The following SLC13A2 variants were observed in gnomAD, a reference collection of about 807,000 sequenced individuals.
SLC13A2 encodes solute carrier family 13 member 2, also known as Na(+)-coupled citrate transporter.
SLC13A2 carries 40 observed loss-of-function variants against 58.5 expected under a neutral mutation model. The observed-to-expected ratio is 0.68, with a 90% CI of 0.53 to 0.89. SLC13A2 has a LOEUF of 0.89. Ranked by LOEUF, SLC13A2 falls within the 40% of genes least tolerant of loss-of-function variation. SLC13A2 has a pLI of 0.00. For missense variants in SLC13A2, 694 were observed against 772.6 expected, an observed-to-expected ratio of 0.90 and a Z score of 1.21; for synonymous variants, 341 against 331.6, an observed-to-expected ratio of 1.03 and a Z score of -0.31.
chr17:28,493,777 C>T lies in SLC13A2; in HGVS notation c.1085C>T (p.Ala362Val). 6.2e-7 allele frequency: 1 copy of T among 1,614,110 alleles called. No homozygotes were observed. The change falls in exon 7 of 12, where the codon GCC becomes GTC. Residue 362 changes from alanine to valine, a missense_variant. Coordinates refer to ENST00000314669, the MANE Select transcript of SLC13A2 (RefSeq NM_003984.4). ...TGGGGCAATTTGGCTTTTCCCAATGCCAAGGGGGAGAGGTGAGAGTTGCAG... is the reference window on the plus strand; with the variant it reads ...TGGGGCAATTTGGCTTTTCCCAATGTCAAGGGGGAGAGGTGAGAGTTGCAG... Reference protein sequence around the residue: ...LGWGNLAFPNAKGESMVSDGT... With the variant: ...LGWGNLAFPNVKGESMVSDGT...
In SLC13A2 at chr17:28,493,822, T is replaced by C. The variant is rs1555604064; in HGVS notation, c.1097+33T>C. The C allele has an allele frequency of 6.2e-6, 10 of 1,608,290 alleles. No individual in the cohort carries two copies. The South Asian group carries it at 1.1e-4, about 18-fold the overall frequency. ...TTGCAGGGGTTGGGAGGAGGACACA[T>C]CTGGGGCTCACATGCTCGGGAAGGA... On this transcript the variant is annotated intron_variant, in intron 7 of 11. Coordinates refer to ENST00000314669, the MANE Select transcript of SLC13A2 (RefSeq NM_003984.4).
At chr17:28,491,084 G>A (rs567811963) in intron 4 of SLC13A2, among the ~76,000 whole-genome samples, 178 bp downstream of exon 4, 60 of 152,286 alleles carry the variant, frequency 3.9e-4, no homozygotes, top group South Asian at 2.1e-3. Context: ...ACCCTGTTTT[G>A]GGAATCCCCT....
intron 1 of SLC13A2, among the ~76,000 whole-genome samples, chr17:28,486,617 G>C (rs1470576543): frequency 6.6e-6 from 1 of 151,932 alleles, no homozygotes; most frequent in Non-Finnish European, 1.5e-5. Flanking sequence ...ATGTTTAAAG[G>C]GTTTGAGACT....
Position 28,477,186 on chromosome 17 carries a change from G to GTTTTTTTTTTTTTTTTTTTTT in SLC13A2, c.102+3378_102+3379insTTTTTTTTTTTTTTTTTTTTT, listed in dbSNP as rs1251199584. On this transcript the variant is annotated intron_variant, in intron 1 of 11. Transcript: ENST00000314669. ...AAAAAAACAAATAAAAAACACCCAA[G>GTTTTTTTTTTTTTTTTTTTTT]TTTTTTGTTTTTTTTTTTTTTTTTT... 2.5e-5 allele frequency among the ~76,000 whole-genome samples: 3 copies of GTTTTTTTTTTTTTTTTTTTTT among 119,430 alleles called. 1 individual carries two copies. Among genetic ancestry groups the GTTTTTTTTTTTTTTTTTTTTT allele is most frequent in the Non-Finnish European group, 3.5e-5 (2 of 57,894 alleles). The allele number at this position is 119,430 out of a possible 152,430, so 78.4% of individuals were successfully genotyped here.
intron 1 of SLC13A2, among the ~76,000 whole-genome samples, chr17:28,487,968 C>G (rs2068917140): frequency 6.6e-6 from 1 of 152,148 alleles, no homozygotes; most frequent in Non-Finnish European, 1.5e-5. Context: ...CAATCCCAAT[C>G]CTTTATCTGA....
Position 28,497,316 on chromosome 17 carries a change from A to C in SLC13A2, c.*47A>C. 1.3e-6 allele frequency: 2 copies of C among 1,558,982 alleles called. No homozygotes were observed. The highest frequency in any genetic ancestry group is 2.3e-5 in the East Asian group (1 of 43,654). On this transcript the variant is annotated 3_prime_UTR_variant, in exon 12 of 12. Transcript: ENST00000314669. ...GCCCAGGAAGACCCACCCCATTCCC[A>C]CTCCTCTGAGCCCGGAGGGGACACC...
At chr17:28,486,602 G>A (rs2068886681) in intron 1 of SLC13A2, among the ~76,000 whole-genome samples, 1 of 152,102 alleles carries the variant, frequency 6.6e-6, no homozygotes. Context: ...ACCCTCAAAT[G>A]CAAGATGTTT....
intron 1 of SLC13A2, among the ~76,000 whole-genome samples, chr17:28,477,198 T>G (rs797024265): frequency 1.4e-4 from 20 of 142,922 alleles, no homozygotes; most frequent in African/African-American, 4.5e-4. Flanking sequence ...TTTTTGTTTT[T>G]TTTTTTTTTT....
rs782569529 is a variant in SLC13A2 at position 28,497,289 on chromosome 17, A to G, written c.*20A>G. 4.5e-5 allele frequency: 72 copies of G among 1,602,144 alleles called. No homozygotes were observed. Among genetic ancestry groups the G allele is most frequent in the Non-Finnish European group, 6.1e-5 (71 of 1,171,974 alleles). On this transcript the variant is annotated 3_prime_UTR_variant, in exon 12 of 12. Coordinates refer to ENST00000314669, the MANE Select transcript of SLC13A2 (RefSeq NM_003984.4). ...CCCTAGGCTGGGGCACAGCCTGGCC[A>G]TGCCCAGGAAGACCCACCCCATTCC...
rs1555603891 is a variant in SLC13A2, at chr17:28,493,460, G to A, written c.879-111G>A. 4.7e-6 allele frequency: 4 copies of A among 845,196 alleles called. No individual in the cohort carries two copies. The East Asian group carries it at 8.0e-5, about 17-fold the overall frequency. The allele number at this position is 845,196 out of a possible 1,614,324, so 52.4% of individuals were successfully genotyped here. A position where few individuals can be genotyped will look rare whatever the true frequency, so the allele number is the denominator to read the frequency against. ...GGCGGAGCTGGGGCCTGAGTGTAGT[G>A]ACCCTGAGATGCCCTCTGTGGGCCT... On this transcript the variant is annotated intron_variant, in intron 6 of 11. Coordinates refer to ENST00000314669, the MANE Select transcript of SLC13A2 (RefSeq NM_003984.4).
chr17:28,497,244 C>T lies in SLC13A2; in HGVS notation c.1754C>T (p.Ala585Val), dbSNP rs945420559. 3.1e-6 allele frequency: 5 copies of T among 1,613,872 alleles called. No homozygotes were observed. The highest frequency in any genetic ancestry group is 2.2e-5 in the East Asian group (1 of 44,892). ...NTTAQCLPSL[A>V]NTTTPSP ...ACAGCCCAGTGCCTGCCAAGCCTGG[C>T]CAACACCACCACACCAAGCCCCTAG... Residue 585 changes from alanine to valine, a missense_variant, in exon 12 of 12, where the codon GCC (alanine) becomes GTC (valine). Ala to Val is a moderately conservative substitution (Grantham distance 64). Transcript: ENST00000314669.
At position 28,494,637 on chromosome 17, in the gene SLC13A2, C is replaced by T; in HGVS notation, c.1308+125C>T. On this transcript the variant is annotated intron_variant, in intron 9 of 11. Transcript: ENST00000314669. The surrounding 1 kb of genome is among the most constrained non-coding windows in gnomAD (Gnocchi z 4.0). The stretch of plus-strand genomic sequence containing the variant: ...CCCACGTAGGAGCCTCTCGGGTAGG[C>T]AGAGCCTTTGCAGCAGCTGGGAAGA... The T allele has an allele frequency of 4.3e-6, 6 of 1,398,462 alleles. No homozygotes were observed. The highest frequency in any genetic ancestry group is 3.9e-6 in the Non-Finnish European group (4 of 1,033,990). 86.6% of individuals were successfully genotyped at this position (1,398,462 alleles called of 1,614,324 possible).
In SLC13A2 at chr17:28,491,538, T is replaced by C; in HGVS notation, c.676T>C (p.Cys226Arg). 1.2e-6 allele frequency: 2 copies of C among 1,613,780 alleles called. No individual in the cohort carries two copies. The highest frequency in any genetic ancestry group is 1.6e-4 in the Middle Eastern group (1 of 6,062). The change falls in exon 5 of 12, where the codon TGC becomes CGC. Residue 226 changes from cysteine (C) to arginine (R), a missense_variant. Coordinates refer to ENST00000314669, the MANE Select transcript of SLC13A2 (RefSeq NM_003984.4). ...CACCCAGTGCATGAGCCTGTGCGTG[T>C]GCTACTCCGCCAGCATCGGGGGCAT... ...HLTQCMSLCV[C>R]YSASIGGIAT...
chr17:28,484,677 G>T (rs1171476126), intron 1 of SLC13A2, among the ~76,000 whole-genome samples: 1 of 152,182 alleles, frequency 6.6e-6, no homozygotes, highest in Non-Finnish European at 1.5e-5. Context: ...GTCAAGAGAG[G>T]AAGCTGGGAG....
intron 1 of SLC13A2, among the ~76,000 whole-genome samples, chr17:28,475,201 T>C (rs571820066): frequency 2.0e-5 from 3 of 152,308 alleles, no homozygotes; most frequent in African/African-American, 4.8e-5. Flanking sequence ...TTCAGTAACT[T>C]GCCCAGGTCA....
intron 6 of SLC13A2, 29 bp downstream of exon 6, chr17:28,491,881 C>T (rs2069034692): frequency 1.2e-6 from 2 of 1,610,818 alleles, no homozygotes; most frequent in East Asian, 4.5e-5. Flanking sequence ...GAGAGAAGCC[C>T]AGGTCCCTGC....
In SLC13A2 at chr17:28,494,900, G is replaced by A. The variant is rs2069110412; in HGVS notation, c.1308+388G>A. On this transcript the variant is annotated intron_variant, in intron 9 of 11. Transcript: ENST00000314669. This position sits in a 1 kb window ranked among gnomAD's most constrained non-coding sequence, Gnocchi z 4.0. ...CTCCGCAGCCACCAGGGGGCACCATGATCACACCCACCCAGGCTCTGGGGA... is the reference window on the plus strand; with the variant it reads ...CTCCGCAGCCACCAGGGGGCACCATAATCACACCCACCCAGGCTCTGGGGA... 1.3e-5 allele frequency among the ~76,000 whole-genome samples: 2 copies of A among 152,110 alleles called. No individual in the cohort carries two copies. Among genetic ancestry groups the A allele is most frequent in the Admixed American group, 6.5e-5 (1 of 15,282 alleles).
rs2069034100 is a variant in SLC13A2 at position 28,491,859 on chromosome 17, G to T, written c.878+7G>T. 6.2e-7 allele frequency: 1 copy of T among 1,613,712 alleles called. No homozygotes were observed. The highest frequency in any genetic ancestry group is 2.2e-5 in the East Asian group (1 of 44,870). ...TCCTCTTCCTGGGCTTCAAGTAAGT[G>T]GCAAAGTTGGTGAGAGAAGCCCAGG... is the stretch of plus-strand genomic sequence containing the variant. On this transcript the variant is annotated splice_region_variant and intron_variant, in intron 6 of 11. Coordinates refer to ENST00000314669, the MANE Select transcript of SLC13A2 (RefSeq NM_003984.4).
intron 1 of SLC13A2, among the ~76,000 whole-genome samples, chr17:28,488,865 G>A (rs576239829): frequency 6.6e-6 from 1 of 152,270 alleles, no homozygotes; most frequent in African/African-American, 2.4e-5. Context: ...CATTGCCCAG[G>A]TCCTGCTCCT....
Sources: allele counts gnomAD v4.1 joint callset (sites outside exome capture counted in the v4.1 genomes callset), GRCh38; gene constraint gnomAD v4.1.1; non-coding constraint Gnocchi (gnomAD v3.1); transcripts MANE v1.5; gene names NCBI Gene and HGNC (gene_info 2026-07-23, HGNC 2026-07-21).